The following GREB1L variants were observed in gnomAD, a reference collection of about 807,000 sequenced individuals.
GREB1L encodes the protein GREB1 like retinoic acid receptor coactivator.
GREB1L carries 17 observed loss-of-function variants against 200.8 expected under a neutral mutation model. That is an observed-to-expected ratio of 0.08 (90% CI 0.06 to 0.13). GREB1L has a LOEUF of 0.13. Ranked by LOEUF, GREB1L falls within the 10% of genes least tolerant of loss-of-function variation. The pLI, the probability that GREB1L is intolerant of heterozygous loss-of-function variation, is 1.00. For synonymous variants in GREB1L, 789 were observed against 893.0 expected, an observed-to-expected ratio of 0.88 and a Z score of 2.08; for missense variants, 1,657 against 2,367.7, an observed-to-expected ratio of 0.70 and a Z score of 6.23.
intron 15 of GREB1L, chr18:21,454,837 A>G (rs2034681033): frequency 2.3e-6 from 1 of 435,994 alleles, no homozygotes; most frequent in African/African-American, 2.0e-5. Context: ...CTGGTCATTT[A>G]TGGATGAAGA....
intron 6 of GREB1L, among the ~76,000 whole-genome samples, chr18:21,402,618 G>C (rs1291006063): frequency 6.6e-6 from 1 of 151,292 alleles, no homozygotes. Context: ...CCCACCCCAG[G>C]CTCAAGTGAT....
Position 21,449,521 on chromosome 18 carries a change from G to C in GREB1L, c.1405G>C (p.Val469Leu). 1 of 1,535,678 alleles carries C rather than the reference G, an allele frequency of 6.5e-7. No individual in the cohort carries two copies. Among genetic ancestry groups the C allele is most frequent in the East Asian group, 2.4e-5 (1 of 40,822 alleles). The change falls in exon 12 of 33, where the codon GTA (valine) becomes CTA (leucine). Residue 469 changes from valine (V) to leucine (L), a missense_variant. Physicochemically the swap from Val to Leu is conservative, Grantham distance 32. This residue lies in a region of GREB1L where 289 missense variants were observed against 345.1 expected (regional missense o/e 0.84). Transcript: ENST00000424526. ...TCTCTTCTATATAGGTCCTGATCAG[G>C]TACCTCTCAGGGAAGAATTTGAGCA... is the stretch of plus-strand genomic sequence containing the variant. ...QYLVRLGPDQ[V>L]PLREEFEQIM... is the part of the protein sequence containing the mutation.
At chr18:21,410,689 C>G (rs1221532851) in intron 7 of GREB1L, among the ~76,000 whole-genome samples, 1 of 149,088 alleles carries the variant, frequency 6.7e-6, no homozygotes, top group Non-Finnish European at 1.5e-5. Context: ...TGATATTTTA[C>G]TACATTAAAA....
At chr18:21,432,468 T>C (rs2033228919) in intron 7 of GREB1L, among the ~76,000 whole-genome samples, 1 of 151,966 alleles carries the variant, frequency 6.6e-6, no homozygotes, top group Admixed American at 6.6e-5. Context: ...CTTTGGTCCA[T>C]TTGATTTTTT....
chr18:21,468,651 A>T, intron 15 of GREB1L: 1 of 454,210 alleles, frequency 2.2e-6, no homozygotes, highest in East Asian at 7.0e-5. Flanking sequence ...TCAGAGCAGG[A>T]ACTCAGTGCC....
At position 21,515,464 on chromosome 18, in the gene GREB1L, C is replaced by T. The variant is rs1259244405; in HGVS notation, c.4949C>T (p.Thr1650Ile). Residue 1650 changes from threonine to isoleucine, a missense_variant, in exon 29 of 33, where the codon ACT becomes ATT. By Grantham distance (89) the Thr-to-Ile change is moderately conservative. Transcript: ENST00000424526. ...GVSSKNVSLK[T>I]VLQHIEATPK... ...TCCAGTAAGAATGTGTCCTTGAAGA[C>T]TGTCTTGCAGCACATTGAAGCCACA... 1 of 1,551,638 alleles carries T rather than the reference C, an allele frequency of 6.4e-7. No individual in the cohort carries two copies. The highest frequency in any genetic ancestry group is 1.4e-5 in the African/African-American group (1 of 73,148).
intron 1 of GREB1L, among the ~76,000 whole-genome samples, chr18:21,260,490 TA>T (rs1443856898): frequency 6.6e-6 from 1 of 152,012 alleles, no homozygotes; most frequent in Admixed American, 6.6e-5. Context: ...TAGGATCCAC[TA>T]AAAATCTTAA....
intron 1 of GREB1L, among the ~76,000 whole-genome samples, chr18:21,298,624 A>G (rs2038567658): frequency 6.6e-6 from 1 of 152,168 alleles, no homozygotes; most frequent in South Asian, 2.1e-4. Flanking sequence ...ACTGAATGTA[A>G]CCAATTAAAA....
At chr18:21,348,533 G>A (rs138584221) in intron 1 of GREB1L, among the ~76,000 whole-genome samples, 3,383 of 152,132 alleles carry the variant, frequency 0.022, 131 homozygotes, top group African/African-American at 0.078. Context: ...TCAGCACTTT[G>A]GGAGGCTGAG....
chr18:21,473,084 G>A lies in GREB1L; in HGVS notation c.2236G>A (p.Glu746Lys). Residue 746 changes from glutamate to lysine, a missense_variant, in exon 16 of 33, where the codon GAA becomes AAA. By Grantham distance (56) the Glu-to-Lys change is moderately conservative. Around this residue, in one of 9 missense-constraint regions of GREB1L, gnomAD observed 239 missense variants for 421.8 expected, o/e 0.57. Coordinates refer to ENST00000424526, the MANE Select transcript of GREB1L (RefSeq NM_001142966.3). ...AAATGGGACAGCCCATCAGAGAGCAGAAAAATATGTTGTTCGTCTAGACAA... is the reference window on the plus strand; with the variant it reads ...AAATGGGACAGCCCATCAGAGAGCAAAAAAATATGTTGTTCGTCTAGACAA... Reference protein sequence around the residue: ...EENGTAHQRAEKYVVRLDNEI... With the variant: ...EENGTAHQRAKKYVVRLDNEI... 1 of 1,550,588 alleles carries A rather than the reference G, an allele frequency of 6.4e-7. No homozygotes were observed. Among genetic ancestry groups the A allele is most frequent in the South Asian group, 1.2e-5 (1 of 83,812 alleles).
intron 25 of GREB1L, among the ~76,000 whole-genome samples, chr18:21,506,888 GCTTA>G (rs2037040674): frequency 6.6e-6 from 1 of 152,156 alleles, no homozygotes; most frequent in South Asian, 2.1e-4. Flanking sequence ...AATATCCAGA[GCTTA>G]CTTCCCCAAA....
intron 7 of GREB1L, among the ~76,000 whole-genome samples, chr18:21,433,125 A>C (rs902824362): frequency 1.3e-5 from 2 of 152,200 alleles, no homozygotes; most frequent in African/African-American, 2.4e-5. Flanking sequence ...TTCCTCCTTC[A>C]ATATGTTAAG....
chr18:21,430,531 TTCTTAAGGTGATTGATTTGGGATCAC>T (rs1476397669), intron 7 of GREB1L, among the ~76,000 whole-genome samples: 13 of 151,560 alleles, frequency 8.6e-5, no homozygotes, highest in South Asian at 2.1e-4. Flanking sequence ...TTTTTCTAGT[TTCTTAAGGTGATTGATTTGGGATCAC>T]TCTTAAGGTG....
chr18:21,514,049 TAC>T, intron 28 of GREB1L, 63 bp downstream of exon 28: 4 of 1,402,364 alleles, frequency 2.9e-6, no homozygotes, highest in Non-Finnish European at 1.9e-6. Context: ...ATTTCTTGAC[TAC>T]AGTTACATAC....
chr18:21,460,442 TTCA>T (rs751198442), intron 15 of GREB1L, among the ~76,000 whole-genome samples: 3 of 151,900 alleles, frequency 2.0e-5, no homozygotes, highest in Non-Finnish European at 4.4e-5. Flanking sequence ...GCCTCCCGGG[TTCA>T]AGCGATTCTC....
At chr18:21,275,666 T>C (rs1180136939) in intron 1 of GREB1L, among the ~76,000 whole-genome samples, 1 of 152,112 alleles carries the variant, frequency 6.6e-6, no homozygotes, top group South Asian at 2.1e-4. Flanking sequence ...TAAAATAAAG[T>C]GTTAATATTC....
intron 7 of GREB1L, among the ~76,000 whole-genome samples, chr18:21,431,678 C>A (rs768122341): frequency 3.2e-4 from 49 of 152,100 alleles, no homozygotes; most frequent in Non-Finnish European, 6.5e-4. Flanking sequence ...TTGATGTTCT[C>A]CCTGGTTGTT....
intron 1 of GREB1L, among the ~76,000 whole-genome samples, chr18:21,350,138 T>C (rs2039411859): frequency 1.3e-5 from 2 of 152,282 alleles, no homozygotes; most frequent in South Asian, 2.1e-4. Context: ...GGGACTGCCT[T>C]TATCATCATT....
At chr18:21,290,816 C>T (rs1304852750) in intron 1 of GREB1L, among the ~76,000 whole-genome samples, 1 of 136,146 alleles carries the variant, frequency 7.3e-6, no homozygotes, top group Non-Finnish European at 1.5e-5. Context: ...CAGAGCAAGA[C>T]TCTGTCTCAA....
Sources: allele counts gnomAD v4.1 joint callset (sites outside exome capture counted in the v4.1 genomes callset), GRCh38; gene constraint gnomAD v4.1.1; regional missense constraint gnomAD v4.1.1; transcripts MANE v1.5; gene names NCBI Gene and HGNC (gene_info 2026-07-23, HGNC 2026-07-21).